Variants in TEX9 observed in about 807,000 individuals in gnomAD.
The protein encoded by TEX9 is testis-expressed protein 9.
In TEX9, 74 loss-of-function variants were observed where a neutral mutation model predicts 59.6. The observed-to-expected ratio is 1.24, with a 90% CI of 1.03 to 1.51. TEX9 has a LOEUF of 1.51. Ranked by LOEUF, TEX9 falls within the 40% of genes most tolerant of loss-of-function variation. TEX9 has a pLI of 0.00. For synonymous variants in TEX9, 186 were observed against 152.2 expected (o/e 1.22, Z -1.64); for missense variants, 522 against 447.8 (o/e 1.17, Z -1.49).
chr15:56,306,257 CAAAAAA>C (rs55882329), intron 1 of TEX9, among the ~76,000 whole-genome samples: 4 of 79,434 alleles, frequency 5.0e-5, no homozygotes, highest in African/African-American at 2.0e-4. Context: ...AGGTACATAG[CAAAAAA>C]AAAAAAAAAA....
intron 10 of TEX9, among the ~76,000 whole-genome samples, chr15:56,425,597 T>TAATA (rs2140266624): frequency 6.6e-6 from 1 of 152,290 alleles, no homozygotes; most frequent in South Asian, 2.1e-4. Context: ...CTCATTTTAT[T>TAATA]AATATATAGG....
At chr15:56,338,467 A>G (rs2046301673) in intron 1 of TEX9, among the ~76,000 whole-genome samples, 1 of 152,180 alleles carries the variant, frequency 6.6e-6, no homozygotes, top group Admixed American at 6.5e-5. Context: ...CCACTGCCAC[A>G]ACTTATTTGT....
intron 1 of TEX9, among the ~76,000 whole-genome samples, chr15:56,273,007 G>A (rs563728558): frequency 4.6e-5 from 7 of 151,688 alleles, no homozygotes; most frequent in African/African-American, 1.7e-4. Flanking sequence ...AGGCTGGAGT[G>A]CAGTGGTGCT....
rs1215399763 is a variant in TEX9, at chr15:56,273,989, T to C, written c.-107+29711T>C. On this transcript the variant is annotated intron_variant, in intron 1 of 5. Coordinates refer to the TEX9 transcript ENST00000560827. ...TCTGTGGCTTCATGTCTTACATTAT[T>C]TTGGAAAAATGTTAACCATCTTCAA... Among the ~76,000 whole-genome samples, 4 of 152,316 alleles carry C rather than the reference T, an allele frequency of 2.6e-5. No individual in the cohort carries two copies. In the South Asian group the frequency reaches 6.2e-4, roughly 24 times the overall value.
intron 9 of TEX9, among the ~76,000 whole-genome samples, chr15:56,411,602 G>A (rs1391878507): frequency 3.3e-5 from 5 of 152,164 alleles, no homozygotes; most frequent in African/African-American, 1.2e-4. Context: ...CTGTTTGGGA[G>A]AGATCCAGTT....
intron 1 of TEX9, among the ~76,000 whole-genome samples, chr15:56,347,857 C>G (rs186830178): frequency 6.6e-6 from 1 of 151,988 alleles, no homozygotes; most frequent in East Asian, 1.9e-4. Context: ...TATTTACAAG[C>G]AACACTTTTT....
intron 1 of TEX9, among the ~76,000 whole-genome samples, chr15:56,316,908 AT>A (rs1414200506): frequency 6.6e-6 from 1 of 151,964 alleles, no homozygotes; most frequent in Non-Finnish European, 1.5e-5. Flanking sequence ...GAGTGACCCG[AT>A]TTTCCAGGTG....
In TEX9 at chr15:56,321,649, T is replaced by C. The variant is rs142672634; in HGVS notation, c.-106-51792T>C. On this transcript the variant is annotated intron_variant, in intron 1 of 5. Transcript: ENST00000560827. ...AGCCAGGCCAGCATGGAAATTATTC[T>C]TCTAACCAGCCTAGCTGAGGTTTTG... Among the ~76,000 whole-genome samples the C allele has an allele frequency of 1.4e-3, 216 of 152,332 alleles. 2 individuals are homozygous for C. The South Asian group carries it at 0.014, about 10-fold the overall frequency.
chr15:56,392,505 C>T (rs1451263560), intron 7 of TEX9, among the ~76,000 whole-genome samples: 4 of 152,114 alleles, frequency 2.6e-5, no homozygotes, highest in African/African-American at 4.8e-5. Context: ...GATCCATTCA[C>T]CTCCCACCAG....
chr15:56,283,212 A>G (rs2141464429), intron 1 of TEX9, among the ~76,000 whole-genome samples: 1 of 152,050 alleles, frequency 6.6e-6, no homozygotes, highest in Non-Finnish European at 1.5e-5. Context: ...CCTTTATATT[A>G]TTTGCATTAC....
chr15:56,272,685 C>T (rs1033349563), intron 1 of TEX9, among the ~76,000 whole-genome samples: 11 of 152,082 alleles, frequency 7.2e-5, no homozygotes, highest in African/African-American at 2.7e-4. Context: ...GAGGAACTGC[C>T]AAACTGTTTC....
chr15:56,283,230 A>G (rs1317146343), intron 1 of TEX9, among the ~76,000 whole-genome samples: 1 of 152,096 alleles, frequency 6.6e-6, no homozygotes, highest in Non-Finnish European at 1.5e-5. Context: ...TACTTCTATG[A>G]CCATGTTATC....
intron 3 of TEX9, among the ~76,000 whole-genome samples, chr15:56,379,789 A>G (rs1419834857): frequency 6.6e-6 from 1 of 151,198 alleles, no homozygotes; most frequent in Non-Finnish European, 1.5e-5. Flanking sequence ...GCATTATATA[A>G]TGACCTTCTT....
intron 1 of TEX9, chr15:56,323,156 C>A (rs1317680034): frequency 4.6e-6 from 1 of 217,338 alleles, no homozygotes; most frequent in Non-Finnish European, 9.8e-6. Flanking sequence ...AAAATGTCCT[C>A]ATATGCATTC....
intron 1 of TEX9, among the ~76,000 whole-genome samples, chr15:56,303,823 C>A (rs979156395): frequency 2.0e-5 from 3 of 151,978 alleles, no homozygotes; most frequent in Non-Finnish European, 2.9e-5. Flanking sequence ...ACATTTCAAC[C>A]GATACCACAG....
chr15:56,444,279 C>T (rs1233695633), intron 12 of TEX9, among the ~76,000 whole-genome samples: 1 of 151,998 alleles, frequency 6.6e-6, no homozygotes, highest in Non-Finnish European at 1.5e-5. Context: ...ATTATGCTAA[C>T]GGAGATGAGA....
At chr15:56,292,639 G>A (rs1160007945) in intron 1 of TEX9, among the ~76,000 whole-genome samples, 1 of 152,148 alleles carries the variant, frequency 6.6e-6, no homozygotes, top group Non-Finnish European at 1.5e-5. Flanking sequence ...TCTCTGAGCT[G>A]CTGTCAATGT....
At chr15:56,441,132 T>C (rs1233137925) in intron 12 of TEX9, among the ~76,000 whole-genome samples, 1 of 152,194 alleles carries the variant, frequency 6.6e-6, no homozygotes, top group Non-Finnish European at 1.5e-5. Flanking sequence ...ATATTATTTA[T>C]TCCCCTTTTC....
chr15:56,322,492 C>A (rs959156213), intron 1 of TEX9, among the ~76,000 whole-genome samples: 2 of 152,112 alleles, frequency 1.3e-5, no homozygotes, highest in African/African-American at 4.8e-5. Context: ...TACTGCCCAA[C>A]CAGAATCCTG....
Sources: gnomAD v4.1 joint callset for allele counts (sites outside exome capture counted in the v4.1 genomes callset) on GRCh38, gnomAD v4.1.1 for gene constraint, MANE v1.5 for transcripts, NCBI Gene and HGNC (gene_info 2026-07-23, HGNC 2026-07-21) for gene names.